Variants in BDP1 observed in about 807,000 individuals in gnomAD.
BDP1 encodes the protein transcription factor TFIIIB component B'' homolog.
BDP1 carries 169 observed loss-of-function variants against 266.6 expected under a neutral mutation model. That is an observed-to-expected ratio of 0.63 (90% CI 0.56 to 0.72). BDP1 has a LOEUF of 0.72. Ranked by LOEUF, BDP1 falls within the 30% of genes least tolerant of loss-of-function variation. BDP1 has a pLI of 0.00. For synonymous variants in BDP1, 1,090 were observed against 1,022.4 expected, an observed-to-expected ratio of 1.07 and a Z score of -1.26; for missense variants, 3,015 against 3,053.8, an observed-to-expected ratio of 0.99 and a Z score of 0.30.
chr5:71,535,921 A>G (rs1276192373), intron 26 of BDP1, among the ~76,000 whole-genome samples: 1 of 152,156 alleles, frequency 6.6e-6, no homozygotes, highest in Admixed American at 6.5e-5. Flanking sequence ...TATATCTACA[A>G]ATACCCTATT....
At position 71,509,787 on chromosome 5, in the gene BDP1, G is replaced by A; in HGVS notation, c.2695G>A (p.Glu899Lys). 1.2e-6 allele frequency: 2 copies of A among 1,614,180 alleles called. No homozygotes were observed. The highest frequency in any genetic ancestry group is 1.7e-6 in the Non-Finnish European group (2 of 1,180,024). ...TGTGATTGATGACACCATAGAAATG[G>A]AGACAGGTCTGAAAGCAATGGGAAG... ...LDVIDDTIEM[E>K]TGLKAMGREI... Residue 899 changes from glutamate (E) to lysine (K), a missense_variant, in exon 17 of 39, where the codon GAG becomes AAG. This residue lies in a region of BDP1 where 2,383 missense variants were observed against 2,404.9 expected (regional missense o/e 0.99). Coordinates refer to ENST00000358731, the MANE Select transcript of BDP1 (RefSeq NM_018429.3).
rs1240524050 is a variant in BDP1, at chr5:71,524,105, A to G, written c.5554A>G (p.Lys1852Glu). 6.2e-7 allele frequency: 1 copy of G among 1,614,110 alleles called. No homozygotes were observed. Among genetic ancestry groups the G allele is most frequent in the African/African-American group, 1.3e-5 (1 of 74,934 alleles). ...RGRGSKRVRG[K>E]TSKKEPRASK... The stretch of plus-strand genomic sequence containing the variant: ...TCGTGGATCAAAACGAGTTCGGGGT[A>G]AGACCTCTAAGAAGGAACCTAGAGC... Residue 1852 changes from lysine to glutamate, a missense_variant, in exon 25 of 39, where the codon AAG becomes GAG. By Grantham distance (56) the Lys-to-Glu change is moderately conservative. This residue lies in a region of BDP1 where 2,383 missense variants were observed against 2,404.9 expected (regional missense o/e 0.99). Transcript: ENST00000358731.
At chr5:71,467,253 T>C (rs1409259561) in intron 5 of BDP1, 101 bp from the exon 6 acceptor site, 64 of 945,104 alleles carry the variant, frequency 6.8e-5, no homozygotes, top group Middle Eastern at 2.8e-4. Context: ...GCCTTTGATA[T>C]GATTGCCATG....
chr5:71,544,661 C>T (rs535706397), intron 31 of BDP1, among the ~76,000 whole-genome samples, 154 bp downstream of exon 31: 3 of 152,096 alleles, frequency 2.0e-5, no homozygotes, highest in African/African-American at 7.2e-5. Context: ...GGGAGGATCA[C>T]GAGGTCAGGA....
At chr5:71,560,878 TC>T in intron 37 of BDP1, among the ~76,000 whole-genome samples, 1 of 152,202 alleles carries the variant, frequency 6.6e-6, no homozygotes, top group Non-Finnish European at 1.5e-5. Context: ...ATTTAATAGA[TC>T]TATTGTTTTT....
At chr5:71,562,940 T>G (rs2112118775) in intron 38 of BDP1, 1 of 1,221,008 alleles carries the variant, frequency 8.2e-7, no homozygotes, top group African/African-American at 1.6e-5. Flanking sequence ...ATCAAAGACT[T>G]TGTAAAAATA....
At chr5:71,539,435 A>G (rs188775975) in intron 27 of BDP1, 122 bp from the exon 28 acceptor site, 2 of 682,436 alleles carry the variant, frequency 2.9e-6, no homozygotes, top group East Asian at 5.4e-5. Flanking sequence ...GTAAGGGATT[A>G]ATGGCTCAGA....
At position 71,502,440 on chromosome 5, in the gene BDP1, C is replaced by G. The variant is rs553217576; in HGVS notation, c.2049-159C>G. Among the ~76,000 whole-genome samples, 11 of 152,148 alleles carry G rather than the reference C, an allele frequency of 7.2e-5. No individual in the cohort carries two copies. In the East Asian group the frequency reaches 2.1e-3, roughly 29 times the overall value. On this transcript the variant is annotated intron_variant, in intron 14 of 38. Coordinates refer to ENST00000358731, the MANE Select transcript of BDP1 (RefSeq NM_018429.3). ...TCGCCCGCCTCGGCCTCCCAAAGTG[C>G]TGGGATTACAGGTGCGAGCCACTGC...
intron 6 of BDP1, among the ~76,000 whole-genome samples, chr5:71,468,453 A>ATT (rs879364385): frequency 1.2e-4 from 17 of 141,816 alleles, no homozygotes; most frequent in African/African-American, 4.4e-4. Context: ...CAGCCCAGAA[A>ATT]TTTTTTTTTT....
chr5:71,477,911 C>T (rs1328419151), intron 7 of BDP1, among the ~76,000 whole-genome samples: 1 of 152,100 alleles, frequency 6.6e-6, no homozygotes, highest in South Asian at 2.1e-4. Flanking sequence ...AGCCACCATA[C>T]CTGGCCCAGA....
At chr5:71,559,900 T>C (rs1337096278) in intron 36 of BDP1, 82 bp from the exon 37 acceptor site, 17 of 1,401,026 alleles carry the variant, frequency 1.2e-5, no homozygotes, top group African/African-American at 2.9e-5. Flanking sequence ...TAGAATACCA[T>C]GGGTTTCTTT....
chr5:71,501,952 A>C (rs1321470440), intron 14 of BDP1, among the ~76,000 whole-genome samples: 2 of 152,178 alleles, frequency 1.3e-5, no homozygotes, highest in Admixed American at 1.3e-4. Flanking sequence ...AACTTGAAAT[A>C]GAAATCTAAA....
rs1205610319 is a variant in BDP1, at chr5:71,553,267, G to A, written c.7147G>A (p.Ala2383Thr). 6.2e-7 allele frequency: 1 copy of A among 1,612,978 alleles called. No homozygotes were observed. The highest frequency in any genetic ancestry group is 1.1e-5 in the South Asian group (1 of 91,022). ...TGATAAAAATGACCACATTCCTCCTGCCAAAAAACGTTCACTCACTTTAAG... is the reference window on the plus strand; with the variant it reads ...TGATAAAAATGACCACATTCCTCCTACCAAAAAACGTTCACTCACTTTAAG... ...RLDKNDHIPP[A>T]KKRSLTLRDD... Residue 2383 changes from alanine to threonine, a missense_variant, in exon 35 of 39, where the codon GCC (alanine) becomes ACC (threonine). Coordinates refer to ENST00000358731, the MANE Select transcript of BDP1 (RefSeq NM_018429.3).
At chr5:71,523,014 C>T (rs1454301835) in intron 24 of BDP1, 65 bp downstream of exon 24, 4 of 1,412,820 alleles carry the variant, frequency 2.8e-6, no homozygotes, top group Admixed American at 2.6e-5. Flanking sequence ...TTTACCTTAA[C>T]TTACTGGTAG....
intron 18 of BDP1, 44 bp from the exon 19 acceptor site, chr5:71,513,141 C>A: frequency 7.2e-7 from 1 of 1,389,004 alleles, no homozygotes; most frequent in Non-Finnish European, 1.0e-6. Context: ...GTTTCCACTG[C>A]CCCTTCAGTT....
intron 35 of BDP1, 38 bp downstream of exon 35, chr5:71,553,358 A>C: frequency 7.1e-7 from 1 of 1,408,670 alleles, no homozygotes; most frequent in East Asian, 2.3e-5. Context: ...TATGGCCATT[A>C]AGTAAGATGG....
chr5:71,502,052 A>G (rs1040730013), intron 14 of BDP1, among the ~76,000 whole-genome samples: 1 of 152,138 alleles, frequency 6.6e-6, no homozygotes, highest in Non-Finnish European at 1.5e-5. Context: ...GGAGTTCTAC[A>G]TTATTCTATA....
chr5:71,520,268 G>A (rs1580130674), intron 22 of BDP1, among the ~76,000 whole-genome samples: 1 of 151,988 alleles, frequency 6.6e-6, no homozygotes, highest in African/African-American at 2.4e-5. Context: ...TCTTCACTTT[G>A]TTGATTGTTC....
chr5:71,501,807 C>G (rs1340232646), intron 14 of BDP1, among the ~76,000 whole-genome samples, 154 bp downstream of exon 14: 1 of 151,950 alleles, frequency 6.6e-6, no homozygotes, highest in African/African-American at 2.4e-5. Flanking sequence ...TTGAAACATT[C>G]ATAATACTCT....
Sources: allele counts gnomAD v4.1 joint callset (sites outside exome capture counted in the v4.1 genomes callset), GRCh38; gene constraint gnomAD v4.1.1; regional missense constraint gnomAD v4.1.1; transcripts MANE v1.5; gene names NCBI Gene and HGNC (gene_info 2026-07-23, HGNC 2026-07-21).